Variants in ICA1L observed in about 807,000 individuals in gnomAD.
ICA1L encodes the protein islet cell autoantigen 1 like.
A neutral mutation model predicts 61.3 loss-of-function variants in ICA1L; 50 were observed. The observed-to-expected ratio is 0.82, with a 90% CI of 0.65 to 1.03. The LOEUF (loss-of-function observed/expected upper bound fraction) is 1.03, where lower values mean the gene tolerates loss of function less well. ICA1L is among the 50% of genes least tolerant of loss of function. The pLI, the probability that ICA1L is intolerant of heterozygous loss-of-function variation, is 0.00. For synonymous variants in ICA1L, 161 were observed against 191.3 expected, an observed-to-expected ratio of 0.84 and a Z score of 1.31; for missense variants, 508 against 556.7, an observed-to-expected ratio of 0.91 and a Z score of 0.88.
chr2:202,790,645 A>AGAT (rs1325423953), intron 10 of ICA1L, among the ~76,000 whole-genome samples: 3 of 152,160 alleles, frequency 2.0e-5, no homozygotes, highest in African/African-American at 7.2e-5. Context: ...TGCAGTCAAT[A>AGAT]GATAATAGAG....
intron 1 of ICA1L, among the ~76,000 whole-genome samples, chr2:202,861,550 A>G (rs1463603307): frequency 6.6e-6 from 1 of 152,052 alleles, no homozygotes; most frequent in African/African-American, 2.4e-5. Flanking sequence ...TGAGGGACTT[A>G]ACACTGCCCC....
intron 9 of ICA1L, among the ~76,000 whole-genome samples, chr2:202,801,586 C>CT (rs1434486348): frequency 1.3e-5 from 2 of 152,186 alleles, no homozygotes; most frequent in Non-Finnish European, 2.9e-5. Flanking sequence ...ATAAAATACA[C>CT]TTTTTTCTCT....
intron 9 of ICA1L, among the ~76,000 whole-genome samples, chr2:202,803,342 A>G (rs1693136933): frequency 7.3e-6 from 1 of 136,808 alleles, no homozygotes; most frequent in Non-Finnish European, 1.6e-5. Flanking sequence ...CAGAGGTCGT[A>G]GTGAGCTGAG....
At chr2:202,851,014 T>C (rs896909510) in intron 1 of ICA1L, among the ~76,000 whole-genome samples, 3 of 152,224 alleles carry the variant, frequency 2.0e-5, no homozygotes, top group Middle Eastern at 3.4e-3. Context: ...AATTTTCTTT[T>C]TTTTTTTTAA....
intron 1 of ICA1L, among the ~76,000 whole-genome samples, chr2:202,832,860 A>G (rs1694051591): frequency 6.6e-6 from 1 of 152,176 alleles, no homozygotes; most frequent in Admixed American, 6.5e-5. Context: ...CTTACCAAAA[A>G]TTACCAATCT....
intron 3 of ICA1L, among the ~76,000 whole-genome samples, chr2:202,822,475 C>T (rs1693727660): frequency 6.6e-6 from 1 of 152,120 alleles, no homozygotes; most frequent in Non-Finnish European, 1.5e-5. Flanking sequence ...GCTAAAAATT[C>T]ATTTTTATTG....
intron 1 of ICA1L, among the ~76,000 whole-genome samples, chr2:202,832,024 G>C (rs1348011371): frequency 1.3e-5 from 2 of 152,088 alleles, no homozygotes; most frequent in Admixed American, 1.3e-4. Flanking sequence ...CGAATCATGA[G>C]GCAAGGGAGG....
chr2:202,824,701 A>T (rs1006150956), intron 3 of ICA1L, among the ~76,000 whole-genome samples: 1 of 152,186 alleles, frequency 6.6e-6, no homozygotes, highest in Non-Finnish European at 1.5e-5. Flanking sequence ...AAAGAGGAGA[A>T]GCTTTTAGGA....
At chr2:202,806,983 A>T (rs927458145) in intron 9 of ICA1L, among the ~76,000 whole-genome samples, 2 of 152,232 alleles carry the variant, frequency 1.3e-5, no homozygotes, top group Non-Finnish European at 2.9e-5. Flanking sequence ...AAACTTAATC[A>T]TGCAACCCTA....
rs200350888 is a variant in ICA1L, at chr2:202,788,947, T to C, written c.1126A>G (p.Ser376Gly). 1.9e-6 allele frequency: 3 copies of C among 1,614,142 alleles called. No homozygotes were observed. The African/African-American group carries it at 4.0e-5, about 22-fold the overall frequency. Residue 376 changes from serine (S) to glycine (G), a missense_variant, in exon 11 of 13, where the codon AGT (serine) becomes GGT (glycine). Ser to Gly is a moderately conservative substitution (Grantham distance 56). Transcript: ENST00000358299. ...QECQTAFGSPSASLTSQEPSM... is the reference protein window; with the variant it reads ...QECQTAFGSPGASLTSQEPSM... ...GGCTCCTGGGATGTGAGACTGGCAC[T>C]GGGGCTCCCAAAGGCAGTCTGGCAT...
chr2:202,791,637 A>C (rs747734710), intron 10 of ICA1L, among the ~76,000 whole-genome samples: 1 of 152,172 alleles, frequency 6.6e-6, no homozygotes, highest in Non-Finnish European at 1.5e-5. Context: ...TCCTTAGGTC[A>C]GGAGTTTGAG....
intron 1 of ICA1L, among the ~76,000 whole-genome samples, chr2:202,857,066 T>G (rs949417014): frequency 3.3e-5 from 5 of 152,138 alleles, no homozygotes; most frequent in Non-Finnish European, 7.4e-5. Flanking sequence ...CCAAAGTAAT[T>G]TATAGATTCA....
intron 1 of ICA1L, among the ~76,000 whole-genome samples, chr2:202,843,571 TCA>T (rs1694385034): frequency 6.6e-6 from 1 of 152,154 alleles, no homozygotes; most frequent in South Asian, 2.1e-4. Flanking sequence ...ATCACAGAAC[TCA>T]GGCCTGATGC....
intron 11 of ICA1L, among the ~76,000 whole-genome samples, chr2:202,787,645 A>AT (rs1692628322): frequency 1.3e-5 from 2 of 152,244 alleles, no homozygotes; most frequent in Admixed American, 1.3e-4. Context: ...CTCACTCCAC[A>AT]TATCATGCCC....
intron 1 of ICA1L, among the ~76,000 whole-genome samples, chr2:202,845,297 T>C (rs1238820270): frequency 6.6e-6 from 1 of 152,196 alleles, no homozygotes; most frequent in Non-Finnish European, 1.5e-5. Context: ...TTCACTCTTA[T>C]TTAGCAAAAG....
rs1241670735 is a variant in ICA1L, at chr2:202,778,250, A to C, written c.*1283T>G. ...TATAAAACAAACACACACTTGGGAA[A>C]TTGCTTCAAAATTAAAGGGTGGGCA... On this transcript the variant is annotated 3_prime_UTR_variant, in exon 13 of 13. Transcript: ENST00000358299. 1.3e-5 allele frequency: 2 copies of C among 152,204 alleles called. No individual in the cohort carries two copies. The highest frequency in any genetic ancestry group is 6.5e-5 in the Admixed American group (1 of 15,282). The allele number at this position is 152,204 out of a possible 1,614,324, so 9.4% of individuals were successfully genotyped here. A position where few individuals can be genotyped will look rare whatever the true frequency, so the allele number is the denominator to read the frequency against.
chr2:202,845,987 G>A (rs1295814719), intron 1 of ICA1L, among the ~76,000 whole-genome samples: 1 of 152,196 alleles, frequency 6.6e-6, no homozygotes, highest in African/African-American at 2.4e-5. Context: ...GTTTTCTTAC[G>A]AACACAATCA....
At chr2:202,817,907 C>G (rs1559137139) in intron 5 of ICA1L, among the ~76,000 whole-genome samples, 6 of 152,156 alleles carry the variant, frequency 3.9e-5, no homozygotes. Context: ...CGTTAAAGCA[C>G]TGAGAAACAT....
chr2:202,831,748 A>G (rs1175001941), intron 1 of ICA1L, among the ~76,000 whole-genome samples: 1 of 152,160 alleles, frequency 6.6e-6, no homozygotes, highest in Non-Finnish European at 1.5e-5. Flanking sequence ...AAAGGGAGAA[A>G]GTGACTGGGA....
Sources: gnomAD v4.1 joint callset for allele counts (sites outside exome capture counted in the v4.1 genomes callset) on GRCh38, gnomAD v4.1.1 for gene constraint, MANE v1.5 for transcripts, NCBI Gene and HGNC (gene_info 2026-07-23, HGNC 2026-07-21) for gene names.